Variants in SPON2 observed in about 807,000 individuals in gnomAD.
SPON2 encodes spondin 2, also known as spondin-2.
A neutral mutation model predicts 29.9 loss-of-function variants in SPON2; 32 were observed. The observed-to-expected ratio is 1.07, with a 90% CI of 0.81 to 1.44. The LOEUF is 1.44. SPON2 is among the 40% of genes most tolerant of loss of function. SPON2 has a pLI of 0.00. For synonymous variants in SPON2, 248 were observed against 209.1 expected, an observed-to-expected ratio of 1.19 and a Z score of -1.61; for missense variants, 541 against 455.5, an observed-to-expected ratio of 1.19 and a Z score of -1.71.
rs1305247742 is a variant in SPON2 at position 1,202,163 on chromosome 4, T to C, written c.-234+5717A>G. On this transcript the variant is annotated intron_variant, in intron 1 of 3. Transcript: ENST00000509233. This position sits in a 1 kb window ranked among gnomAD's most constrained non-coding sequence, Gnocchi z 5.4. ...CAGACAGCAGTTTATCAACAGAGAC[T>C]TCCTGCCTCCCCGTCTGGAGGCCAA... Among the ~76,000 whole-genome samples, 2 of 152,170 alleles carry C rather than the reference T, an allele frequency of 1.3e-5. No individual in the cohort carries two copies. Among genetic ancestry groups the C allele is most frequent in the Admixed American group, 6.5e-5 (1 of 15,280 alleles).
intron 1 of SPON2, among the ~76,000 whole-genome samples, chr4:1,187,991 C>T (rs1379005460): frequency 1.3e-5 from 2 of 150,984 alleles, no homozygotes; most frequent in African/African-American, 4.9e-5. Context: ...CTCCTGAGGT[C>T]AGGAATTTAA....
upstream of SPON2, among the ~76,000 whole-genome samples, chr4:1,176,736 A>G (rs1398937799): frequency 1.3e-5 from 2 of 151,932 alleles, no homozygotes; most frequent in Admixed American, 6.5e-5. Context: ...TGATTCACAC[A>G]GTACATTCAT....
intron 1 of SPON2, among the ~76,000 whole-genome samples, chr4:1,192,142 T>A (rs1727926457): frequency 6.6e-6 from 1 of 152,184 alleles, no homozygotes; most frequent in South Asian, 2.1e-4. Flanking sequence ...TGGGTTAAGC[T>A]CTCTCAAGGC....
rs754495417 is a variant in SPON2, at chr4:1,170,443, ACTGGGGCGGGAGGGATGAAGGCC to A, written c.747_769del (p.Arg249SerfsTer8). 3 of 1,613,788 alleles carry A rather than the reference ACTGGGGCGGGAGGGATGAAGGCC, an allele frequency of 1.9e-6. No homozygotes were observed. In the South Asian group the frequency reaches 3.3e-5, roughly 18 times the overall value. ...AATCTCATTGTCCCTGCTGGGCAGGACTGGGGCGGGAGGGATGAAGGCCCTGGGGCTCTGTCGCAGCCGCACCA... is the reference window on the plus strand; with the variant it reads ...AATCTCATTGTCCCTGCTGGGCAGGACTGGGGCTCTGTCGCAGCCGCACCA... On this transcript the variant is annotated frameshift_variant, in exon 5 of 6. Transcript: ENST00000290902. LOFTEE classifies it high-confidence loss of function.
At chr4:1,171,774 C>G in intron 2 of SPON2, 78 bp downstream of exon 2, 1 of 1,021,540 alleles carries the variant, frequency 9.8e-7, no homozygotes, top group Non-Finnish European at 1.5e-6. Context: ...TGGGAAGCGC[C>G]GCCGTGCAGC....
intron 1 of SPON2, among the ~76,000 whole-genome samples, chr4:1,188,851 T>C (rs1226906040): frequency 6.6e-6 from 1 of 152,172 alleles, no homozygotes; most frequent in Admixed American, 6.5e-5. Context: ...GTCTGTAGAA[T>C]ACTCCACCAA....
In SPON2 at chr4:1,170,987, G is replaced by T. The variant is rs1008517633; in HGVS notation, c.636+12C>A. ...CCATAGCGGCCCTTGCGCACGCGGG[G>T]TGCCCACTCACCTCGGTCACCGTGT... On this transcript the variant is annotated intron_variant, in intron 4 of 5. Transcript: ENST00000290902. 3 of 1,547,078 alleles carry T rather than the reference G, an allele frequency of 1.9e-6. No individual in the cohort carries two copies. In the African/African-American group the frequency reaches 4.1e-5, roughly 21 times the overall value.
chr4:1,198,207 C>T (rs560582948), upstream of SPON2, among the ~76,000 whole-genome samples: 28 of 152,316 alleles, frequency 1.8e-4, no homozygotes, highest in East Asian at 9.6e-4. Flanking sequence ...GCAGCTGCTT[C>T]GAAACCTGCA....
rs190795997 is a variant in SPON2, at chr4:1,192,921, C to T, written c.-239+2069G>A. ...GAGGTGCCAGGGAGGGGGCAGAGCT[C>T]AATGTCCACTGCAGCAGCTGCTGGG... On this transcript the variant is annotated intron_variant, in intron 1 of 3. Transcript: ENST00000502483. Among the ~76,000 whole-genome samples, 579 of 152,312 alleles carry T rather than the reference C, an allele frequency of 3.8e-3. 3 individuals are homozygous for T. Among genetic ancestry groups the T allele is most frequent in the Middle Eastern group, 6.8e-3 (2 of 294 alleles).
upstream of SPON2, among the ~76,000 whole-genome samples, chr4:1,197,330 C>T (rs987354540): frequency 3.3e-5 from 5 of 152,220 alleles, no homozygotes; most frequent in Non-Finnish European, 7.3e-5. Context: ...TAAAATGATC[C>T]TGTTATCCAA....
At chr4:1,167,771 G>C (rs1382442529) in intron 5 of SPON2, 115 bp from the exon 6 acceptor site, 4 of 1,170,178 alleles carry the variant, frequency 3.4e-6, no homozygotes, top group East Asian at 2.5e-5. Context: ...CCCACCCTTC[G>C]GGGGCACTTG....
chr4:1,171,450 T>C lies in SPON2; in HGVS notation c.257A>G (p.Lys86Arg), dbSNP rs148149245. ...CAGCCCGTTACTGACGTACTGGTTC[T>C]TCCTCCACATGCTGTAGTCGGAGCT... ...AHSSDYSMWR[K>R]NQYVSNGLRD... is the part of the protein sequence containing the mutation. Residue 86 changes from lysine to arginine, a missense_variant, in exon 3 of 6, where the codon AAG becomes AGG. Lys to Arg is a conservative substitution (Grantham distance 26). Coordinates refer to ENST00000290902, the MANE Select transcript of SPON2 (RefSeq NM_012445.4). 1.4e-4 allele frequency: 225 copies of C among 1,612,128 alleles called. No homozygotes were observed. The highest frequency in any genetic ancestry group is 1.7e-4 in the Non-Finnish European group (206 of 1,179,710).
At chr4:1,190,145 T>C (rs111242894) in intron 1 of SPON2, among the ~76,000 whole-genome samples, 42 of 152,052 alleles carry the variant, frequency 2.8e-4, no homozygotes, top group Non-Finnish European at 2.5e-4. Context: ...TGAGGGACTC[T>C]TATGAACAAT....
intron 4 of SPON2, 47 bp from the exon 5 acceptor site, chr4:1,170,623 C>T (rs1257864826): frequency 7.7e-6 from 12 of 1,566,108 alleles, no homozygotes; most frequent in Admixed American, 1.9e-5. Flanking sequence ...AGAAGCCCAC[C>T]TTCTGGTATG....
intron 1 of SPON2, among the ~76,000 whole-genome samples, chr4:1,193,926 G>T (rs551367375): frequency 2.0e-5 from 3 of 149,216 alleles, no homozygotes; most frequent in Non-Finnish European, 4.5e-5. Flanking sequence ...TGGAAAGGAC[G>T]TGGGGGAGCT....
At chr4:1,177,697 T>C (rs1253850473), upstream of SPON2, among the ~76,000 whole-genome samples, 4 of 152,104 alleles carry the variant, frequency 2.6e-5, no homozygotes, top group Non-Finnish European at 5.9e-5. Context: ...GGTTCTGGCA[T>C]GGGGGCCCTC....
intron 5 of SPON2, among the ~76,000 whole-genome samples, chr4:1,169,365 C>T (rs1332547381): frequency 6.6e-6 from 1 of 152,130 alleles, no homozygotes; most frequent in Non-Finnish European, 1.5e-5. Context: ...GAGCCCAAGC[C>T]TGCACTGGGC....
At chr4:1,197,851 C>A (rs753764057), upstream of SPON2, among the ~76,000 whole-genome samples, 3 of 152,054 alleles carry the variant, frequency 2.0e-5, no homozygotes, top group Admixed American at 2.0e-4. Flanking sequence ...GAGTTTGAGA[C>A]CATCCTGGCC....
chr4:1,188,202 CAA>C (rs1164276990), intron 1 of SPON2, among the ~76,000 whole-genome samples: 202 of 36,510 alleles, frequency 5.5e-3, no homozygotes, highest in African/African-American at 0.02. Context: ...GACTCCGTCT[CAA>C]AAAAAAAAAA....
Sources: allele counts gnomAD v4.1 joint callset (sites outside exome capture counted in the v4.1 genomes callset), GRCh38; gene constraint gnomAD v4.1.1; non-coding constraint Gnocchi (gnomAD v3.1); transcripts MANE v1.5; gene names NCBI Gene and HGNC (gene_info 2026-07-23, HGNC 2026-07-21).